ZNF148: variants seen among roughly 807,000 people sequenced by gnomAD.
The protein encoded by ZNF148 is Beta-Enolase Repressor Factor-1.
Under a neutral mutation model 67.7 loss-of-function variants are expected in ZNF148, and 7 were observed. The ratio of observed to expected loss-of-function variants is 0.10; its 90% CI spans 0.06 to 0.19. The LOEUF is 0.19. Ranked by LOEUF, ZNF148 falls within the 10% of genes least tolerant of loss-of-function variation. ZNF148 has a pLI of 1.00. For missense variants in ZNF148, 583 were observed against 947.1 expected, an observed-to-expected ratio of 0.62 and a Z score of 5.05; for synonymous variants, 333 against 330.7, an observed-to-expected ratio of 1.01 and a Z score of -0.08.
At chr3:125,358,094 G>A (rs1942422277) in intron 1 of ZNF148, among the ~76,000 whole-genome samples, 1 of 152,082 alleles carries the variant, frequency 6.6e-6, no homozygotes, top group Admixed American at 6.5e-5. Context: ...AGCGGATCAC[G>A]TGAAGTCAGG....
chr3:125,317,851 G>A (rs1940594786), intron 3 of ZNF148, among the ~76,000 whole-genome samples: 1 of 150,492 alleles, frequency 6.6e-6, no homozygotes, highest in Admixed American at 6.6e-5. Flanking sequence ...TTAATGTTAC[G>A]GCAAGCTAAC....
At chr3:125,316,359 C>A (rs762524572) in intron 3 of ZNF148, among the ~76,000 whole-genome samples, 23 of 152,154 alleles carry the variant, frequency 1.5e-4, no homozygotes, top group African/African-American at 5.3e-4. Context: ...GGGAAATATA[C>A]CCAGCAGTGC....
At chr3:125,372,115 C>T (rs1041326871) in intron 1 of ZNF148, among the ~76,000 whole-genome samples, 51 of 150,318 alleles carry the variant, frequency 3.4e-4, no homozygotes, top group South Asian at 1.1e-3. Context: ...CCAAGATGAA[C>T]AACTATCATT....
At chr3:125,366,174 C>G (rs144179449) in intron 1 of ZNF148, among the ~76,000 whole-genome samples, 1 of 152,308 alleles carries the variant, frequency 6.6e-6, no homozygotes, top group African/African-American at 2.4e-5. Flanking sequence ...TACTTTAATT[C>G]TCACATCCTC....
At chr3:125,322,708 A>G (rs1262927333) in intron 3 of ZNF148, among the ~76,000 whole-genome samples, 1 of 152,194 alleles carries the variant, frequency 6.6e-6, no homozygotes, top group Admixed American at 6.5e-5. Flanking sequence ...TAGTTTACAC[A>G]GACTTTTCAA....
chr3:125,253,775 C>T (rs1470619708), intron 7 of ZNF148, among the ~76,000 whole-genome samples: 3 of 152,100 alleles, frequency 2.0e-5, no homozygotes, highest in African/African-American at 7.2e-5. Context: ...TTGATGTTGT[C>T]ATGATAAATT....
intron 1 of ZNF148, among the ~76,000 whole-genome samples, chr3:125,366,613 T>C (rs1942711341): frequency 4.6e-5 from 7 of 152,232 alleles, no homozygotes; most frequent in Admixed American, 4.6e-4. Context: ...TACTGTATTA[T>C]GAAACTTCTT....
At chr3:125,299,667 A>C (rs1939484309) in intron 4 of ZNF148, among the ~76,000 whole-genome samples, 1 of 152,210 alleles carries the variant, frequency 6.6e-6, no homozygotes, top group Admixed American at 6.5e-5. Context: ...CCCTAAAACA[A>C]TCTACTGGAA....
intron 2 of ZNF148, among the ~76,000 whole-genome samples, chr3:125,329,350 CAT>C: frequency 6.3e-5 from 1 of 15,808 alleles, no homozygotes; most frequent in African/African-American, 3.6e-4. Context: ...TAAAATTTTA[CAT>C]ATATAAAATT....
chr3:125,342,002 G>GC (rs1941745534), intron 1 of ZNF148, among the ~76,000 whole-genome samples: 1 of 149,978 alleles, frequency 6.7e-6, no homozygotes, highest in Non-Finnish European at 1.5e-5. Flanking sequence ...TTCGGGGCGG[G>GC]GGGGGGAATG....
At chr3:125,374,637 C>G (rs1943001874) in intron 1 of ZNF148, among the ~76,000 whole-genome samples, 1 of 152,074 alleles carries the variant, frequency 6.6e-6, no homozygotes, top group Non-Finnish European at 1.5e-5. Flanking sequence ...TTTCTCCAAC[C>G]CCTGCCCTTC....
chr3:125,267,350 C>T (rs1350068822), intron 7 of ZNF148, among the ~76,000 whole-genome samples: 1 of 151,750 alleles, frequency 6.6e-6, no homozygotes, highest in Non-Finnish European at 1.5e-5. Flanking sequence ...AATCTAGGAG[C>T]ACACCAAAAA....
chr3:125,335,525 T>C (rs10512647), intron 1 of ZNF148, among the ~76,000 whole-genome samples: 14,478 of 152,262 alleles, frequency 0.095, 846 homozygotes, highest in Middle Eastern at 0.14. Context: ...ATTCAACCTA[T>C]TGATAAGTCC....
intron 7 of ZNF148, among the ~76,000 whole-genome samples, chr3:125,240,606 T>A (rs960342751): frequency 5.9e-5 from 9 of 151,752 alleles, no homozygotes; most frequent in East Asian, 1.9e-4. Flanking sequence ...CTACAAAAAA[T>A]TTTTTAAAAT....
intron 4 of ZNF148, among the ~76,000 whole-genome samples, chr3:125,295,193 T>C (rs1939216922): frequency 6.6e-6 from 1 of 152,042 alleles, no homozygotes. Flanking sequence ...CAGAGGCTCA[T>C]GCCTGTAATC....
chr3:125,316,823 T>A (rs1940517945), intron 3 of ZNF148, among the ~76,000 whole-genome samples: 1 of 152,210 alleles, frequency 6.6e-6, no homozygotes, highest in African/African-American at 2.4e-5. Flanking sequence ...ATTGACTGTA[T>A]CCTTTCCTGT....
At chr3:125,297,805 A>C (rs1170937518) in intron 4 of ZNF148, among the ~76,000 whole-genome samples, 1 of 152,180 alleles carries the variant, frequency 6.6e-6, no homozygotes, top group Non-Finnish European at 1.5e-5. Flanking sequence ...AATTTAAAAA[A>C]CTTCTGTCAG....
Position 125,245,961 on chromosome 3 carries a change from C to T in ZNF148, c.668-11632G>A, listed in dbSNP as rs138729662. ...ACCTTTCTTGTGTCTGACCTGTCTTCGCAATTCCCCACTCTGCTTTCTGAG... is the reference window on the plus strand; with the variant it reads ...ACCTTTCTTGTGTCTGACCTGTCTTTGCAATTCCCCACTCTGCTTTCTGAG... On this transcript the variant is annotated intron_variant, in intron 7 of 8. Coordinates refer to ENST00000360647, the MANE Select transcript of ZNF148 (RefSeq NM_021964.3). Among the ~76,000 whole-genome samples the T allele has an allele frequency of 1.9e-3, 289 of 152,336 alleles. 3 individuals carry two copies. Among genetic ancestry groups the T allele is most frequent in the African/African-American group, 6.2e-3 (257 of 41,576 alleles).
chr3:125,314,681 T>C (rs1299187810), intron 3 of ZNF148, among the ~76,000 whole-genome samples: 1 of 152,206 alleles, frequency 6.6e-6, no homozygotes, highest in Non-Finnish European at 1.5e-5. Context: ...CCAGGTATTA[T>C]CAACCTAGAA....
Sources: allele counts gnomAD v4.1 joint callset (sites outside exome capture counted in the v4.1 genomes callset), GRCh38; gene constraint gnomAD v4.1.1; transcripts MANE v1.5; gene names NCBI Gene and HGNC (gene_info 2026-07-23, HGNC 2026-07-21).